IL6R: variants seen among roughly 807,000 people sequenced by gnomAD.
IL6R encodes interleukin 6 receptor.
In IL6R, 38 loss-of-function variants were observed where a neutral mutation model predicts 48.3. The ratio of observed to expected loss-of-function variants is 0.79; its 90% CI spans 0.61 to 1.03. The LOEUF is 1.03. IL6R is among the 50% of genes least tolerant of loss of function. IL6R has a pLI of 0.00. For synonymous variants in IL6R, 264 were observed against 256.2 expected, an observed-to-expected ratio of 1.03 and a Z score of -0.29; for missense variants, 534 against 618.3, an observed-to-expected ratio of 0.86 and a Z score of 1.45.
In IL6R at chr1:154,434,613, A is replaced by C. The variant is rs1373632584; in HGVS notation, c.553A>C (p.Ser185Arg). 1 of 1,613,948 alleles carries C rather than the reference A, an allele frequency of 6.2e-7. No homozygotes were observed. Among genetic ancestry groups the C allele is most frequent in the African/African-American group, 1.3e-5 (1 of 74,906 alleles). Residue 185 changes from serine (S) to arginine (R), a missense_variant, in exon 4 of 10, where the codon AGC becomes CGC. By Grantham distance (110) the Ser-to-Arg change is moderately radical. Coordinates refer to ENST00000368485, the MANE Select transcript of IL6R (RefSeq NM_000565.4). Reference sequence around the variant, plus strand: ...CCAGTTAGCAGTCCCGGAGGGAGACAGCTCTTTCTACATAGTGTCCATGTG... The same window carrying C: ...CCAGTTAGCAGTCCCGGAGGGAGACCGCTCTTTCTACATAGTGTCCATGTG... Reference protein sequence around the residue: ...SCQLAVPEGDSSFYIVSMCVA... With the variant: ...SCQLAVPEGDRSFYIVSMCVA...
intron 2 of IL6R, 24 bp downstream of exon 2, chr1:154,429,468 G>A (rs1191454385): frequency 9.4e-6 from 15 of 1,592,874 alleles, no homozygotes; most frequent in East Asian, 2.3e-5. Context: ...CAGAGGTCCC[G>A]GAGATAGTTC....
intron 1 of IL6R, among the ~76,000 whole-genome samples, chr1:154,408,229 C>T (rs919300527): frequency 2.0e-5 from 3 of 152,170 alleles, no homozygotes; most frequent in African/African-American, 7.2e-5. Flanking sequence ...GGTTTGAGGA[C>T]GGCTGCCTAA....
chr1:154,423,912 T>C (rs539995281), intron 1 of IL6R, among the ~76,000 whole-genome samples: 4 of 152,274 alleles, frequency 2.6e-5, no homozygotes, highest in East Asian at 3.9e-4. Context: ...CCATTGTTAG[T>C]GAGTGCAGGA....
At chr1:154,446,426 C>G (rs1345846383) in intron 6 of IL6R, among the ~76,000 whole-genome samples, 1 of 152,206 alleles carries the variant, frequency 6.6e-6, no homozygotes, top group Non-Finnish European at 1.5e-5. Context: ...TCACCCTCTC[C>G]CCGCCTCCTT....
At chr1:154,434,824 CG>C in intron 4 of IL6R, 124 bp downstream of exon 4, 1 of 1,192,224 alleles carries the variant, frequency 8.4e-7, no homozygotes, top group Non-Finnish European at 1.2e-6. Context: ...GCCTTTTGGG[CG>C]TTGCTTGCCG....
At chr1:154,423,082 G>A (rs1428890462) in intron 1 of IL6R, among the ~76,000 whole-genome samples, 1 of 151,742 alleles carries the variant, frequency 6.6e-6, no homozygotes, top group African/African-American at 2.4e-5. Flanking sequence ...AGAGAACTCA[G>A]CAGTGCAAGG....
intron 1 of IL6R, among the ~76,000 whole-genome samples, chr1:154,421,929 T>G (rs192284677): frequency 1.0e-3 from 151 of 145,202 alleles, no homozygotes; most frequent in Non-Finnish European, 1.7e-3. Context: ...TGACTCTCAA[T>G]TCTTTTTTTT....
intron 9 of IL6R, among the ~76,000 whole-genome samples, chr1:154,455,749 G>A (rs1321478581): frequency 6.9e-6 from 1 of 145,442 alleles, no homozygotes; most frequent in African/African-American, 2.5e-5. Context: ...ACCGCGCCCA[G>A]CCTGTGGAGT....
intron 1 of IL6R, among the ~76,000 whole-genome samples, chr1:154,412,663 G>A (rs1442016936): frequency 6.6e-6 from 1 of 152,172 alleles, no homozygotes; most frequent in Non-Finnish European, 1.5e-5. Flanking sequence ...AATTAAAATC[G>A]CTTAACATTT....
intron 1 of IL6R, among the ~76,000 whole-genome samples, chr1:154,425,307 G>A (rs1039940832): frequency 1.3e-4 from 20 of 152,146 alleles, no homozygotes; most frequent in Non-Finnish European, 2.6e-4. Flanking sequence ...TTCATTCTTA[G>A]GGAAGTTCTT....
intron 1 of IL6R, chr1:154,415,139 G>T: frequency 2.2e-6 from 2 of 921,028 alleles, no homozygotes; most frequent in Non-Finnish European, 3.4e-6. Context: ...TGTACTTGCC[G>T]TCCTCAGCCT....
In IL6R at chr1:154,414,914, T is replaced by C. The variant is rs1688246386; in HGVS notation, c.85+9200T>C. ...AAGTAGCAGCATTTGAGCTGGGTCA[T>C]GTGGCGCTGGAAGGAGGGGATGTCC... On this transcript the variant is annotated intron_variant, in intron 1 of 9. Transcript: ENST00000368485. 4 of 964,240 alleles carry C rather than the reference T, an allele frequency of 4.1e-6. No individual in the cohort carries two copies. The East Asian group carries it at 7.8e-5, about 19-fold the overall frequency. 59.7% of individuals were successfully genotyped at this position (964,240 alleles called of 1,614,324 possible).
chr1:154,435,239 G>C, intron 5 of IL6R, 83 bp downstream of exon 5: 1 of 1,317,422 alleles, frequency 7.6e-7, no homozygotes, highest in African/African-American at 1.4e-5. Flanking sequence ...GCCAGGCATG[G>C]TGGCTCACGC....
chr1:154,414,272 G>T, intron 1 of IL6R: 2 of 547,900 alleles, frequency 3.7e-6, no homozygotes, highest in East Asian at 3.6e-5. Flanking sequence ...TTTATTTTTT[G>T]AGAGAATGTC....
At chr1:154,434,401 A>C in intron 3 of IL6R, 118 bp from the exon 4 acceptor site, 1 of 772,662 alleles carries the variant, frequency 1.3e-6, no homozygotes, top group East Asian at 2.5e-5. Flanking sequence ...TTAGAGGCAC[A>C]GGGCTTATAA....
At chr1:154,420,568 G>T (rs1328611873) in intron 1 of IL6R, among the ~76,000 whole-genome samples, 1 of 149,042 alleles carries the variant, frequency 6.7e-6, no homozygotes, top group Admixed American at 6.7e-5. Context: ...GCCCAGGCTG[G>T]AGTGCAGTGG....
chr1:154,411,251 G>T (rs1688003225), intron 1 of IL6R, among the ~76,000 whole-genome samples: 1 of 152,114 alleles, frequency 6.6e-6, no homozygotes, highest in African/African-American at 2.4e-5. Context: ...TAGAGATGGG[G>T]TTTCACCAGG....
At chr1:154,433,409 C>T (rs1358333618) in intron 3 of IL6R, among the ~76,000 whole-genome samples, 3 of 152,240 alleles carry the variant, frequency 2.0e-5, no homozygotes, top group Admixed American at 6.5e-5. Context: ...TTTCTGGACT[C>T]ACCTGCCAGA....
chr1:154,446,257 A>T (rs1007030592), intron 6 of IL6R, among the ~76,000 whole-genome samples: 3 of 152,176 alleles, frequency 2.0e-5, no homozygotes, highest in Admixed American at 6.5e-5. Context: ...GCCTTGAACA[A>T]GTCGCTTTCC....
Sources: allele counts gnomAD v4.1 joint callset (sites outside exome capture counted in the v4.1 genomes callset), GRCh38; gene constraint gnomAD v4.1.1; transcripts MANE v1.5; gene names NCBI Gene and HGNC (gene_info 2026-07-23, HGNC 2026-07-21).